ADAMTS3: variants seen among roughly 807,000 people sequenced by gnomAD.
ADAMTS3 encodes the protein A disintegrin and metalloproteinase with thrombospondin motifs 3.
In ADAMTS3, 73 loss-of-function variants were observed where a neutral mutation model predicts 129.0. The observed-to-expected ratio is 0.57, with a 90% CI of 0.47 to 0.69. The LOEUF is 0.69. Ranked by LOEUF, ADAMTS3 falls within the 30% of genes least tolerant of loss-of-function variation. The pLI is 0.00. For synonymous variants in ADAMTS3, 477 were observed against 510.8 expected (o/e 0.93, Z 0.89); for missense variants, 1,457 against 1,514.5 (o/e 0.96, Z 0.63).
intron 3 of ADAMTS3, among the ~76,000 whole-genome samples, chr4:72,479,884 G>T (rs1195218122): frequency 6.6e-6 from 1 of 152,138 alleles, no homozygotes. Flanking sequence ...AGTGGGCAAA[G>T]GATATGAACA....
At chr4:72,539,890 A>G (rs1179992432) in intron 3 of ADAMTS3, among the ~76,000 whole-genome samples, 2 of 152,182 alleles carry the variant, frequency 1.3e-5, no homozygotes, top group African/African-American at 2.4e-5. Flanking sequence ...TGTGAGTCCA[A>G]TTAAACCTCT....
At chr4:72,377,183 T>C (rs956218136) in intron 4 of ADAMTS3, among the ~76,000 whole-genome samples, 8 of 152,278 alleles carry the variant, frequency 5.3e-5, no homozygotes, top group Admixed American at 5.2e-4. Flanking sequence ...CAGTGTGTAT[T>C]CTGATTGTTG....
intron 4 of ADAMTS3, among the ~76,000 whole-genome samples, chr4:72,404,537 C>G (rs1190935791): frequency 6.6e-6 from 1 of 151,950 alleles, no homozygotes; most frequent in Non-Finnish European, 1.5e-5. Flanking sequence ...AATGTAAGAA[C>G]TGAAACTATA....
In ADAMTS3 at chr4:72,451,553, C is replaced by T. The variant is rs182565014; in HGVS notation, c.505-36582G>A. Among the ~76,000 whole-genome samples, 312 of 151,792 alleles carry T rather than the reference C, an allele frequency of 2.1e-3. 1 individual carries two copies. Among genetic ancestry groups the T allele is most frequent in the African/African-American group, 7.0e-3 (290 of 41,488 alleles). On this transcript the variant is annotated intron_variant, in intron 3 of 21. Transcript: ENST00000286657. ...AAAGAAGGCCAGCTCCATTTCATGA[C>T]GTAAATTGAACATTTTTCAGATCCA...
At chr4:72,430,721 T>C (rs1455653051) in intron 3 of ADAMTS3, among the ~76,000 whole-genome samples, 1 of 151,754 alleles carries the variant, frequency 6.6e-6, no homozygotes, top group Non-Finnish European at 1.5e-5. Flanking sequence ...AAAGGATATC[T>C]ACTAAATAAA....
At chr4:72,499,464 C>T (rs567682589) in intron 3 of ADAMTS3, among the ~76,000 whole-genome samples, 2 of 152,140 alleles carry the variant, frequency 1.3e-5, no homozygotes, top group South Asian at 2.1e-4. Context: ...AAAAATGATG[C>T]GAGAACATAC....
At chr4:72,516,696 C>G (rs374715633) in intron 3 of ADAMTS3, among the ~76,000 whole-genome samples, 52 of 152,128 alleles carry the variant, frequency 3.4e-4, no homozygotes, top group Non-Finnish European at 6.2e-4. Context: ...TGTATCCTGA[C>G]ACTTTGCTGA....
At chr4:72,326,503 G>C (rs1009085209) in intron 5 of ADAMTS3, among the ~76,000 whole-genome samples, 1 of 152,024 alleles carries the variant, frequency 6.6e-6, no homozygotes, top group Non-Finnish European at 1.5e-5. Context: ...TCTGTTCCCA[G>C]TTTGGCCACG....
intron 3 of ADAMTS3, among the ~76,000 whole-genome samples, chr4:72,419,882 A>G (rs1362185632): frequency 6.6e-6 from 1 of 152,158 alleles, no homozygotes; most frequent in Non-Finnish European, 1.5e-5. Context: ...GACCCAAAAA[A>G]TAAATAAATA....
intron 3 of ADAMTS3, among the ~76,000 whole-genome samples, chr4:72,493,970 G>A (rs1201407533): frequency 6.6e-6 from 1 of 152,024 alleles, no homozygotes; most frequent in Non-Finnish European, 1.5e-5. Flanking sequence ...TGTATGTGAT[G>A]AGTTGCTTTT....
At chr4:72,312,939 A>G (rs1235924099) in intron 12 of ADAMTS3, among the ~76,000 whole-genome samples, 4 of 152,152 alleles carry the variant, frequency 2.6e-5, no homozygotes, top group African/African-American at 9.6e-5. Flanking sequence ...CTGGCTCATA[A>G]TGAACTTTAG....
At chr4:72,471,131 C>T (rs1006892367) in intron 3 of ADAMTS3, among the ~76,000 whole-genome samples, 1 of 151,986 alleles carries the variant, frequency 6.6e-6, no homozygotes, top group Admixed American at 6.6e-5. Context: ...TGAAAAATAA[C>T]GTGAGCCTGC....
At chr4:72,327,228 A>G (rs1446706690) in intron 5 of ADAMTS3, among the ~76,000 whole-genome samples, 1 of 152,176 alleles carries the variant, frequency 6.6e-6, no homozygotes, top group African/African-American at 2.4e-5. Context: ...TAGAGAAAGA[A>G]CTAAAAGGAT....
At chr4:72,467,597 T>C (rs1718956802) in intron 3 of ADAMTS3, among the ~76,000 whole-genome samples, 1 of 152,048 alleles carries the variant, frequency 6.6e-6, no homozygotes, top group Non-Finnish European at 1.5e-5. Context: ...ATTTGTCCCA[T>C]GTTATTTCTT....
intron 2 of ADAMTS3, among the ~76,000 whole-genome samples, chr4:72,559,504 A>C: frequency 6.6e-6 from 1 of 151,822 alleles, no homozygotes; most frequent in East Asian, 1.9e-4. Context: ...TCACATGGTG[A>C]GCTGACTGGC....
chr4:72,464,662 A>G (rs1220546835), intron 3 of ADAMTS3, among the ~76,000 whole-genome samples: 1 of 152,096 alleles, frequency 6.6e-6, no homozygotes, highest in Admixed American at 6.6e-5. Context: ...AATCTAATTC[A>G]GTCAAATACT....
intron 3 of ADAMTS3, among the ~76,000 whole-genome samples, chr4:72,510,819 CAAAAAAAAAAA>C (rs869030257): frequency 4.7e-5 from 3 of 63,648 alleles, no homozygotes; most frequent in Non-Finnish European, 8.7e-5. Flanking sequence ...ATCCTTAAGC[CAAAAAAAAAAA>C]AAAAAAAAAA....
At chr4:72,495,855 C>G (rs946691741) in intron 3 of ADAMTS3, among the ~76,000 whole-genome samples, 1 of 152,158 alleles carries the variant, frequency 6.6e-6, no homozygotes, top group African/African-American at 2.4e-5. Context: ...ACCTACTATA[C>G]AGCAAGGACT....
rs1382880569 is a variant in ADAMTS3, at chr4:72,281,244, T to G, written c.*1892A>C. 1.3e-5 allele frequency: 2 copies of G among 152,626 alleles called. No homozygotes were observed. Among genetic ancestry groups the G allele is most frequent in the East Asian group, 3.9e-4 (2 of 5,190 alleles). The allele number at this position is 152,626 out of a possible 1,614,324, so 9.5% of individuals were successfully genotyped here. A position where few individuals can be genotyped will look rare whatever the true frequency, so the allele number is the denominator to read the frequency against. On this transcript the variant is annotated 3_prime_UTR_variant, in exon 22 of 22. Transcript: ENST00000286657. Reference sequence around the variant, plus strand: ...AAAGACTTAAGGCTTAGGGATTGTTTTACTATCTGGAATTTGCCTAATTTG... The same window carrying G: ...AAAGACTTAAGGCTTAGGGATTGTTGTACTATCTGGAATTTGCCTAATTTG...
Sources: allele counts gnomAD v4.1 joint callset (sites outside exome capture counted in the v4.1 genomes callset), GRCh38; gene constraint gnomAD v4.1.1; transcripts MANE v1.5; gene names NCBI Gene and HGNC (gene_info 2026-07-23, HGNC 2026-07-21).